MYL5: variants seen among roughly 807,000 people sequenced by gnomAD.
MYL5 encodes the protein myosin regulatory light chain 5.
In MYL5, 28 loss-of-function variants were observed where a neutral mutation model predicts 20.8. The observed-to-expected ratio is 1.35, with a 90% CI of 1.00 to 1.84. The LOEUF (loss-of-function observed/expected upper bound fraction) is 1.84. Among genes scored for constraint, MYL5 ranks in the 40% most tolerant of loss-of-function variants. The pLI is 0.00. For missense variants in MYL5, 274 were observed against 227.3 expected, an observed-to-expected ratio of 1.21 and a Z score of -1.32; for synonymous variants, 118 against 87.4, an observed-to-expected ratio of 1.35 and a Z score of -1.95.
chr4:680,778 G>A, intron 5 of MYL5, 191 bp downstream of exon 7: 5 of 664,664 alleles, frequency 7.5e-6, no homozygotes, highest in Non-Finnish European at 1.3e-5. Context: ...AGGGACCAGC[G>A]CCTGTGCCCG....
At position 680,517 on chromosome 4, in the gene MYL5, G is replaced by A. The variant is rs373616918; in HGVS notation, c.301G>A (p.Ala101Thr). Residue 101 changes from alanine to threonine, a missense_variant, in exon 5 of 7, where the codon GCC becomes ACC. By Grantham distance (58) the Ala-to-Thr change is moderately conservative. Coordinates refer to ENST00000400159, the Ensembl canonical transcript of MYL5. ...AGGTGCCTTTGTGGCAGGTACCGACGCCGAGGAGACCATTCTTAACGCCTT... is the reference window on the plus strand; with the variant it reads ...AGGTGCCTTTGTGGCAGGTACCGACACCGAGGAGACCATTCTTAACGCCTT... The A allele has an allele frequency of 9.4e-5, 152 of 1,613,328 alleles. No homozygotes were observed. The African/African-American group carries it at 1.7e-3, about 18-fold the overall frequency.
intron 6 of MYL5, among the ~76,000 whole-genome samples, 187 bp downstream of exon 8, chr4:681,327 C>T (rs1206817016): frequency 6.6e-6 from 1 of 152,082 alleles, no homozygotes; most frequent in Non-Finnish European, 1.5e-5. Context: ...ATCAGGTCAG[C>T]GGTTGGAGAC....
At chr4:679,153 C>G in intron 3 of MYL5, 120 bp downstream of exon 5, 1 of 694,024 alleles carries the variant, frequency 1.4e-6, no homozygotes, top group Non-Finnish European at 2.1e-6. Context: ...AGAGGCCCAC[C>G]AACGGCCCTG....
intron 5 of MYL5, 96 bp from the exon 8 acceptor site, chr4:680,996 C>T (rs550197682): frequency 5.9e-6 from 8 of 1,360,412 alleles, no homozygotes; most frequent in Admixed American, 4.0e-5. Context: ...GTGCAGTGAG[C>T]GAGTACAACC....
intron 6 of MYL5, among the ~76,000 whole-genome samples, chr4:681,410 G>A (rs1739500771): frequency 6.6e-6 from 1 of 151,984 alleles, no homozygotes; most frequent in South Asian, 2.1e-4. Context: ...GGAGGGGCGG[G>A]GCTCACAGCT....
chr4:677,618 C>T (rs1738978600), upstream of MYL5, among the ~76,000 whole-genome samples: 1 of 152,238 alleles, frequency 6.6e-6, no homozygotes, highest in East Asian at 1.9e-4. Context: ...CAGTCACCCA[C>T]AGCAGCGTTG....
upstream of MYL5, chr4:675,902 A>G (rs1738799996): frequency 6.6e-6 from 1 of 152,246 alleles, no homozygotes; most frequent in Non-Finnish European, 1.5e-5. Context: ...TTTCATCCCG[A>G]AACCTTCCTC....
chr4:681,767 C>T (rs1739685622), intron 6 of MYL5, 126 bp from the exon 9 acceptor site: 1 of 1,201,316 alleles, frequency 8.3e-7, no homozygotes, highest in Non-Finnish European at 1.0e-6. Context: ...GCCGCCCTCA[C>T]CCCGCACCCG....
At chr4:677,595 C>T (rs942293750), upstream of MYL5, among the ~76,000 whole-genome samples, 3 of 152,192 alleles carry the variant, frequency 2.0e-5, no homozygotes, top group Admixed American at 6.5e-5. Flanking sequence ...GGCAGAAGCC[C>T]GGTGACCAGC....
intron 6 of MYL5, 92 bp from the exon 9 acceptor site, chr4:681,801 G>A (rs1190907854): frequency 8.2e-7 from 1 of 1,223,770 alleles, no homozygotes; most frequent in Non-Finnish European, 1.0e-6. Context: ...TCCCCCTCCC[G>A]CGGCGCAGAA....
At chr4:678,338 A>C (rs1305062617) in intron 1 of MYL5, 2 of 1,416,936 alleles carry the variant, frequency 1.4e-6, no homozygotes, top group East Asian at 2.6e-5. Flanking sequence ...GCCCACCCAG[A>C]GTCCACTTGC....
chr4:679,783 G>A (rs1293560776), intron 3 of MYL5, 131 bp from the exon 6 acceptor site: 1 of 725,552 alleles, frequency 1.4e-6, no homozygotes, highest in African/African-American at 1.8e-5. Context: ...CACGTGCCTG[G>A]GCCAAGCGTC....
chr4:680,615 C>T (rs761018299), intron 5 of MYL5, 28 bp downstream of exon 7: 21 of 1,607,266 alleles, frequency 1.3e-5, no homozygotes, highest in East Asian at 2.2e-5. Context: ...CAGGGCGGCC[C>T]GGCTTCCGGG....
rs559084617 is a variant in MYL5 at position 678,791 on chromosome 4, GC to G, written c.111+31del. On this transcript the variant is annotated intron_variant, in intron 2 of 6. Transcript: ENST00000400159. ...GTGAGACTTTCCTGCTTCACTGGGA[GC>G]CCCCACCCCCAGGAGCCTGTGCTGG... 3,302 of 1,607,762 alleles carry G rather than the reference GC, an allele frequency of 2.1e-3. 5 individuals are homozygous for G. The highest frequency in any genetic ancestry group is 2.6e-3 in the Non-Finnish European group (3,097 of 1,177,238).
chr4:677,544 C>T (rs964437168), upstream of MYL5, among the ~76,000 whole-genome samples: 1 of 152,220 alleles, frequency 6.6e-6, no homozygotes, highest in African/African-American at 2.4e-5. Flanking sequence ...GTCACCAAGG[C>T]AGGGAGGGGC....
upstream of MYL5, chr4:674,782 G>C (rs1738720840): frequency 6.3e-6 from 1 of 159,840 alleles, no homozygotes; most frequent in Non-Finnish European, 1.4e-5. Flanking sequence ...TGTGAGCCGA[G>C]TGCAGGTGGC....
At chr4:677,940 T>C (rs1739010881) in exon 1 of MYL5, 1 of 1,610,758 alleles carries the variant, frequency 6.2e-7, no homozygotes, top group Non-Finnish European at 8.5e-7. Flanking sequence ...AGCCGGAGTC[T>C]GAACTGTCCT....
chr4:681,836 G>A lies in MYL5; in HGVS notation c.421-57G>A, dbSNP rs76573953. The A allele has an allele frequency of 0.017, 21,613 of 1,287,604 alleles. 1,249 individuals carry two copies. In the East Asian group the frequency reaches 0.25, roughly 15 times the overall value. The allele number at this position is 1,287,604 out of a possible 1,614,324, so 79.8% of individuals were successfully genotyped here. A position where few individuals can be genotyped will look rare whatever the true frequency, so the allele number is the denominator to read the frequency against. On this transcript the variant is annotated intron_variant, in intron 6 of 6. Coordinates refer to ENST00000400159, the Ensembl canonical transcript of MYL5. ...AACCACACCCGGGGCCGCTGCAGGT[G>A]CGCGCTTGTAATTCGCTCCCGGAGC...
At chr4:680,885 C>T (rs1034100964) in intron 5 of MYL5, 11 of 657,616 alleles carry the variant, frequency 1.7e-5, no homozygotes, top group Non-Finnish European at 2.3e-5. Context: ...AACCTCCTTC[C>T]GGCTCTGTCC....
Sources: gnomAD v4.1 joint callset for allele counts (sites outside exome capture counted in the v4.1 genomes callset) on GRCh38, gnomAD v4.1.1 for gene constraint, MANE v1.5 for transcripts, NCBI Gene and HGNC (gene_info 2026-07-23, HGNC 2026-07-21) for gene names.